The following DOCK3 variants were observed in gnomAD, a reference collection of about 807,000 sequenced individuals.
DOCK3 encodes dedicator of cytokinesis protein 3.
DOCK3 carries 60 observed loss-of-function variants against 265.6 expected under a neutral mutation model. The observed-to-expected ratio is 0.23, with a 90% CI of 0.18 to 0.28. The LOEUF (loss-of-function observed/expected upper bound fraction) is 0.28. DOCK3 is among the 10% of genes least tolerant of loss of function. DOCK3 has a pLI of 1.00. For missense variants in DOCK3, 1,981 were observed against 2,594.3 expected, an observed-to-expected ratio of 0.76 and a Z score of 5.14; for synonymous variants, 881 against 938.0, an observed-to-expected ratio of 0.94 and a Z score of 1.11.
Position 51,310,247 on chromosome 3 carries a change from A to AT in DOCK3, c.2944dup (p.Cys982LeufsTer46). 1 of 1,601,778 alleles carries AT rather than the reference A, an allele frequency of 6.2e-7. No homozygotes were observed. The highest frequency in any genetic ancestry group is 8.5e-7 in the Non-Finnish European group (1 of 1,174,002). On this transcript the variant is annotated frameshift_variant, in exon 28 of 53. Transcript: ENST00000266037. LOFTEE classifies it high-confidence loss of function. Reference sequence around the variant, plus strand: ...CTGCTGTCAGGAATTTCTGCTGAAGATTTTTTGCGTGTTCCGGAACCTGAT... The same window carrying AT: ...CTGCTGTCAGGAATTTCTGCTGAAGATTTTTTTGCGTGTTCCGGAACCTGAT...
chr3:51,370,918 G>A (rs2087630421), intron 49 of DOCK3, among the ~76,000 whole-genome samples: 2 of 152,210 alleles, frequency 1.3e-5, no homozygotes, highest in South Asian at 4.1e-4. Context: ...TCAGCTTGGG[G>A]TGCGACTGGG....
chr3:50,687,269 C>G (rs1485208656), intron 1 of DOCK3, among the ~76,000 whole-genome samples: 2 of 152,172 alleles, frequency 1.3e-5, no homozygotes, highest in Admixed American at 1.3e-4. Flanking sequence ...TGACTCATCG[C>G]CCTCATTATT....
At chr3:51,231,873 G>T (rs776442262) in intron 19 of DOCK3, among the ~76,000 whole-genome samples, 2 of 152,094 alleles carry the variant, frequency 1.3e-5, no homozygotes, top group Non-Finnish European at 2.9e-5. Context: ...TTTCTTCTAG[G>T]ATTCTTATAG....
chr3:51,382,649 T>C lies in DOCK3; in HGVS notation c.*1090T>C, dbSNP rs536780034. On this transcript the variant is annotated 3_prime_UTR_variant, in exon 53 of 53. Coordinates refer to ENST00000266037, the MANE Select transcript of DOCK3 (RefSeq NM_004947.5). ...CTGGGTAAAGAGGGTGGGAGGGGGC[T>C]TCTCCTTTTGGAAGCAGATAGCCAT... is the stretch of plus-strand genomic sequence containing the variant. 6.5e-6 allele frequency: 1 copy of C among 152,682 alleles called. No individual in the cohort carries two copies. Among genetic ancestry groups the C allele is most frequent in the South Asian group, 2.1e-4 (1 of 4,830 alleles). 9.5% of individuals were successfully genotyped at this position (152,682 alleles called of 1,614,324 possible). A position where few individuals can be genotyped will look rare whatever the true frequency, so the allele number is the denominator to read the frequency against.
intron 2 of DOCK3, among the ~76,000 whole-genome samples, chr3:50,779,468 C>T (rs1362890938): frequency 6.6e-6 from 1 of 152,110 alleles, no homozygotes; most frequent in Admixed American, 6.5e-5. Context: ...ACTGCAACCT[C>T]TGCCTCCCAG....
intron 5 of DOCK3, among the ~76,000 whole-genome samples, chr3:50,975,791 A>T (rs2077423528): frequency 6.6e-6 from 1 of 151,786 alleles, no homozygotes; most frequent in South Asian, 2.1e-4. Flanking sequence ...TTTGGTTGGT[A>T]AGCTATTGAT....
intron 31 of DOCK3, among the ~76,000 whole-genome samples, chr3:51,313,979 C>G (rs1370022996): frequency 1.3e-5 from 2 of 152,052 alleles, no homozygotes; most frequent in African/African-American, 4.8e-5. Context: ...TTTTTAATAC[C>G]AGATTTGCCT....
chr3:51,084,958 A>C (rs2082368189), intron 7 of DOCK3, among the ~76,000 whole-genome samples: 1 of 152,220 alleles, frequency 6.6e-6, no homozygotes, highest in Non-Finnish European at 1.5e-5. Flanking sequence ...ATAACGACAC[A>C]CATAGACTGA....
chr3:50,835,075 T>C (rs560151000), intron 2 of DOCK3, among the ~76,000 whole-genome samples: 1 of 152,318 alleles, frequency 6.6e-6, no homozygotes, highest in East Asian at 1.9e-4. Flanking sequence ...GAAAACCCTG[T>C]TGTACTTTTA....
intron 10 of DOCK3, among the ~76,000 whole-genome samples, chr3:51,155,390 C>T (rs886258402): frequency 2.0e-5 from 3 of 152,118 alleles, no homozygotes; most frequent in Non-Finnish European, 2.9e-5. Flanking sequence ...TTACTTTAAG[C>T]TCTATGAAAT....
At chr3:51,291,508 A>G (rs1027673493) in intron 27 of DOCK3, among the ~76,000 whole-genome samples, 6 of 152,196 alleles carry the variant, frequency 3.9e-5, no homozygotes, top group African/African-American at 1.2e-4. Flanking sequence ...GGAGAAAATG[A>G]TAAATTCCTA....
intron 27 of DOCK3, among the ~76,000 whole-genome samples, chr3:51,287,321 G>C (rs961337894): frequency 6.6e-6 from 1 of 152,084 alleles, no homozygotes; most frequent in Admixed American, 6.6e-5. Flanking sequence ...GGCTGAGGCA[G>C]CAAGATCACT....
chr3:50,782,292 T>TTTA (rs1462405859), intron 2 of DOCK3, among the ~76,000 whole-genome samples: 17 of 134,562 alleles, frequency 1.3e-4, no homozygotes, highest in Admixed American at 2.4e-4. Flanking sequence ...ACCTGTTATT[T>TTTA]TTTTTTTTTT....
chr3:51,331,752 G>T (rs890757627), intron 33 of DOCK3, among the ~76,000 whole-genome samples: 2 of 152,092 alleles, frequency 1.3e-5, no homozygotes, highest in African/African-American at 4.8e-5. Flanking sequence ...GAACCCAGGA[G>T]TTCGAGACTA....
At chr3:50,993,232 A>G (rs1220340619) in intron 5 of DOCK3, among the ~76,000 whole-genome samples, 1 of 152,222 alleles carries the variant, frequency 6.6e-6, no homozygotes, top group Non-Finnish European at 1.5e-5. Context: ...AAGAGCTGTT[A>G]AAACTGTGGT....
chr3:50,792,163 A>G (rs2042513416), intron 2 of DOCK3, among the ~76,000 whole-genome samples: 1 of 139,708 alleles, frequency 7.2e-6, no homozygotes, highest in Non-Finnish European at 1.6e-5. Flanking sequence ...TTCTTTTTGT[A>G]GACGTCTTTC....
intron 1 of DOCK3, among the ~76,000 whole-genome samples, chr3:50,736,834 C>A (rs1003110088): frequency 7.3e-5 from 11 of 151,662 alleles, no homozygotes; most frequent in African/African-American, 2.7e-4. Flanking sequence ...GTAGCTGGGA[C>A]TACAGGTGCC....
intron 33 of DOCK3, 26 bp from the exon 34 acceptor site, chr3:51,332,975 T>C (rs781249796): frequency 6.2e-7 from 1 of 1,613,946 alleles, no homozygotes; most frequent in Admixed American, 1.7e-5. Flanking sequence ...AACCTCCTTA[T>C]CTTTGCTTTC....
chr3:51,378,775 G>T (rs1240789318), intron 51 of DOCK3, among the ~76,000 whole-genome samples: 1 of 152,190 alleles, frequency 6.6e-6, no homozygotes, highest in Admixed American at 6.5e-5. Context: ...CCCAACTGTG[G>T]CTGAGGGGAC....
Sources: allele counts gnomAD v4.1 joint callset (sites outside exome capture counted in the v4.1 genomes callset), GRCh38; gene constraint gnomAD v4.1.1; transcripts MANE v1.5; gene names NCBI Gene and HGNC (gene_info 2026-07-23, HGNC 2026-07-21).